The following TTC7A variants were observed in gnomAD, a reference collection of about 807,000 sequenced individuals.
TTC7A encodes the protein tetratricopeptide repeat protein 7A.
In TTC7A, 110 loss-of-function variants were observed where a neutral mutation model predicts 103.7. The ratio of observed to expected loss-of-function variants is 1.06; its 90% CI spans 0.91 to 1.24. TTC7A has a LOEUF of 1.24. Ranked by LOEUF, TTC7A falls within the 50% of genes most tolerant of loss-of-function variation. The pLI, the probability that TTC7A is intolerant of heterozygous loss-of-function variation, is 0.00. For missense variants in TTC7A, 1,340 were observed against 1,116.3 expected, an observed-to-expected ratio of 1.20 and a Z score of -2.86; for synonymous variants, 521 against 467.9, an observed-to-expected ratio of 1.11 and a Z score of -1.47.
intron 3 of TTC7A, chr2:46,958,577 C>T (rs1456629067): frequency 3.1e-6 from 4 of 1,297,990 alleles, no homozygotes; most frequent in African/African-American, 3.1e-5. Flanking sequence ...GCTGCCGGCG[C>T]GGGCTGCTTG....
chr2:46,953,337 T>G (rs1289074454), intron 2 of TTC7A, among the ~76,000 whole-genome samples: 1 of 152,190 alleles, frequency 6.6e-6, no homozygotes, highest in Non-Finnish European at 1.5e-5. Flanking sequence ...AATTTTTTTG[T>G]AGAGACAAAG....
At chr2:47,073,193 G>A (rs778356609) in intron 19 of TTC7A, among the ~76,000 whole-genome samples, 6 of 152,136 alleles carry the variant, frequency 3.9e-5, no homozygotes, top group African/African-American at 7.2e-5. Context: ...GTCTCTCTGC[G>A]TCCCTGGAGT....
intron 16 of TTC7A, among the ~76,000 whole-genome samples, chr2:47,047,864 C>A (rs1352014841): frequency 6.6e-6 from 1 of 152,218 alleles, no homozygotes; most frequent in Non-Finnish European, 1.5e-5. Flanking sequence ...GGTTTCTGAT[C>A]TGTGGCCCCA....
At chr2:46,945,550 C>T (rs1332035110) in intron 1 of TTC7A, among the ~76,000 whole-genome samples, 1 of 152,024 alleles carries the variant, frequency 6.6e-6, no homozygotes, top group Non-Finnish European at 1.5e-5. Context: ...GCCCAGCTAC[C>T]TAGTTAATTT....
chr2:47,011,540 G>A, intron 11 of TTC7A, 105 bp downstream of exon 11: 1 of 875,604 alleles, frequency 1.1e-6, no homozygotes, highest in Non-Finnish European at 1.7e-6. Flanking sequence ...GCCGAAGGTG[G>A]AAAGGATGGG....
Position 47,074,199 on chromosome 2 carries a change from G to A in TTC7A, c.*276G>A, listed in dbSNP as rs1685033391. The A allele has an allele frequency of 4.0e-6, 2 of 494,238 alleles. No individual in the cohort carries two copies. Among genetic ancestry groups the A allele is most frequent in the Non-Finnish European group, 7.3e-6 (2 of 272,940 alleles). 30.6% of individuals were successfully genotyped at this position (494,238 alleles called of 1,614,324 possible). A position where few individuals can be genotyped will look rare whatever the true frequency, so the allele number is the denominator to read the frequency against. ...ACTTGCTCCCCAAGAGCTGGGCAGC[G>A]GGGAGCCTCACAGCTGTCCTTCACC... On this transcript the variant is annotated 3_prime_UTR_variant, in exon 20 of 20. Transcript: ENST00000319190.
intron 2 of TTC7A, among the ~76,000 whole-genome samples, chr2:46,955,111 G>T (rs113724166): frequency 6.6e-6 from 1 of 152,342 alleles, no homozygotes; most frequent in African/African-American, 2.4e-5. Context: ...CCAAAGAAAA[G>T]TTCAAAGCTC....
At position 47,064,104 on chromosome 2, in the gene TTC7A, A is replaced by G. The variant is rs539070697; in HGVS notation, c.2355+3133A>G. On this transcript the variant is annotated intron_variant, in intron 19 of 19. Transcript: ENST00000319190. ...CTCTGGGTTCAGCTTAGGGTTTTCT[A>G]CCCAGACCAGGCAGGAAGGAGATGC... Among the ~76,000 whole-genome samples, 13 of 152,290 alleles carry G rather than the reference A, an allele frequency of 8.5e-5. No individual in the cohort carries two copies. The East Asian group carries it at 2.5e-3, about 29-fold the overall frequency.
At chr2:47,068,425 A>G (rs1684365342) in intron 19 of TTC7A, 1 of 151,966 alleles carries the variant, frequency 6.6e-6, no homozygotes, top group Non-Finnish European at 1.5e-5. Flanking sequence ...AGGCCATGAG[A>G]GGACATGGAA....
intron 15 of TTC7A, among the ~76,000 whole-genome samples, chr2:47,033,284 C>T (rs76953621): frequency 1.3e-3 from 192 of 152,380 alleles, no homozygotes; most frequent in Non-Finnish European, 2.1e-3. Flanking sequence ...CTGACCTCAT[C>T]GTCCCCAGTA....
chr2:46,970,279 C>T (rs748898130), intron 3 of TTC7A, among the ~76,000 whole-genome samples: 8 of 152,288 alleles, frequency 5.3e-5, no homozygotes, highest in Middle Eastern at 3.4e-3. Flanking sequence ...TGAGCCACTT[C>T]GCCTGGCCTG....
Position 46,978,800 on chromosome 2 carries a change from T to A in TTC7A, c.657T>A (p.Asn219Lys). The A allele has an allele frequency of 6.2e-7, 1 of 1,613,696 alleles. No homozygotes were observed. Among genetic ancestry groups the A allele is most frequent in the East Asian group, 2.2e-5 (1 of 44,864 alleles). Residue 219 changes from asparagine (N) to lysine (K), a missense_variant, in exon 5 of 20, where the codon AAT becomes AAA. Coordinates refer to ENST00000319190, the MANE Select transcript of TTC7A (RefSeq NM_020458.4). ...VFLQELEKTT[N>K]NSTSRHLKGC... ...TCTGTTTCCCTTCCCAGACCACAAA[T>A]AACAGCACGTCGAGGCATCTGAAAG...
At chr2:46,943,489 C>G (rs1670642520) in intron 1 of TTC7A, among the ~76,000 whole-genome samples, 1 of 150,778 alleles carries the variant, frequency 6.6e-6, no homozygotes, top group African/African-American at 2.5e-5. Context: ...GATTTTTCTC[C>G]CAGTTAAATC....
chr2:46,989,538 C>T (rs1311924589), intron 5 of TTC7A, among the ~76,000 whole-genome samples: 3 of 152,100 alleles, frequency 2.0e-5, no homozygotes, highest in Admixed American at 6.5e-5. Flanking sequence ...TAAGCTGAGG[C>T]AGAGGGGCAT....
At chr2:47,018,269 G>C (rs944802510) in intron 11 of TTC7A, among the ~76,000 whole-genome samples, 1 of 135,778 alleles carries the variant, frequency 7.4e-6, no homozygotes, top group African/African-American at 2.8e-5. Context: ...GACAGAGTGA[G>C]AGTCCGTCTC....
upstream of TTC7A, among the ~76,000 whole-genome samples, chr2:46,938,493 A>C (rs964164345): frequency 1.3e-5 from 2 of 152,124 alleles, no homozygotes; most frequent in Non-Finnish European, 2.9e-5. Context: ...TTAATAACTT[A>C]ATAGCAAGGG....
intron 2 of TTC7A, among the ~76,000 whole-genome samples, chr2:46,922,113 C>G (rs142258946): frequency 1.9e-4 from 29 of 152,146 alleles, no homozygotes; most frequent in African/African-American, 7.0e-4. Context: ...GTCTGTGAAG[C>G]GTGCCCTTGA....
chr2:46,984,873 C>T (rs1274540661), intron 5 of TTC7A, among the ~76,000 whole-genome samples: 1 of 152,182 alleles, frequency 6.6e-6, no homozygotes, highest in African/African-American at 2.4e-5. Flanking sequence ...CGTGGAAGGA[C>T]AGCCTGGGCA....
rs779767151 is a variant in TTC7A at position 47,049,998 on chromosome 2, C to G, written c.1969C>G (p.Gln657Glu). 6.2e-7 allele frequency: 1 copy of G among 1,614,162 alleles called. No homozygotes were observed. The highest frequency in any genetic ancestry group is 2.2e-5 in the East Asian group (1 of 44,880). The change falls in exon 17 of 20, where the codon CAG becomes GAG. Residue 657 changes from glutamine (Q) to glutamate (E), a missense_variant. Transcript: ENST00000319190. The part of the protein sequence containing the change: ...SFGEGLTMKK[Q>E]SGMHLTLPDA... ...CGGTGAGGGCCTCACCATGAAGAAG[C>G]AGAGTGGCATGCACCTGACTTTGCC...
Sources: allele counts gnomAD v4.1 joint callset (sites outside exome capture counted in the v4.1 genomes callset), GRCh38; gene constraint gnomAD v4.1.1; transcripts MANE v1.5; gene names NCBI Gene and HGNC (gene_info 2026-07-23, HGNC 2026-07-21).